LMNTD1: variants seen among roughly 807,000 people sequenced by gnomAD.
LMNTD1 encodes lamin tail domain-containing protein 1.
In LMNTD1, 35 loss-of-function variants were observed where a neutral mutation model predicts 50.9. That is an observed-to-expected ratio of 0.69 (90% CI 0.53 to 0.91). LMNTD1 has a LOEUF of 0.91. Ranked by LOEUF, LMNTD1 falls within the 40% of genes least tolerant of loss-of-function variation. The pLI is 0.00. For missense variants in LMNTD1, 470 were observed against 475.5 expected (o/e 0.99, Z 0.11); for synonymous variants, 153 against 161.9 (o/e 0.94, Z 0.42).
At chr12:25,611,171 C>G (rs862495) in intron 1 of LMNTD1, among the ~76,000 whole-genome samples, 139,276 of 152,246 alleles carry the variant, frequency 0.91, 64,950 homozygotes, top group East Asian at 1. Flanking sequence ...CAAAGCTATG[C>G]CATTTGGTGA....
chr12:25,555,613 T>G (rs764884576), upstream of LMNTD1, among the ~76,000 whole-genome samples: 1 of 152,202 alleles, frequency 6.6e-6, no homozygotes, highest in Non-Finnish European at 1.5e-5. Context: ...AAAGGGTTCT[T>G]ATCTTTTAGT....
chr12:25,507,187 A>G (rs1371876349), intron 8 of LMNTD1, among the ~76,000 whole-genome samples: 1 of 152,112 alleles, frequency 6.6e-6, no homozygotes, highest in African/African-American at 2.4e-5. Flanking sequence ...CATTATATCT[A>G]TATATGCCTA....
intron 2 of LMNTD1, 86 bp downstream of exon 2, chr12:25,552,785 T>C: frequency 1.2e-6 from 1 of 800,016 alleles, no homozygotes; most frequent in African/African-American, 1.7e-5. Flanking sequence ...CATAAGAGTA[T>C]TGAAACAAAA....
chr12:25,548,965 G>C (rs1943592884), intron 3 of LMNTD1, among the ~76,000 whole-genome samples: 2 of 151,878 alleles, frequency 1.3e-5, no homozygotes, highest in South Asian at 4.2e-4. Flanking sequence ...AATCCTTCTG[G>C]TATTTAATCC....
At chr12:25,624,390 C>A (rs11048130) in intron 1 of LMNTD1, among the ~76,000 whole-genome samples, 3,029 of 152,208 alleles carry the variant, frequency 0.02, 35 homozygotes, top group Non-Finnish European at 0.029. Flanking sequence ...GGAAAAGGTA[C>A]CCATTCCATA....
chr12:25,571,789 T>C (rs7968771), intron 1 of LMNTD1, among the ~76,000 whole-genome samples: 97,692 of 152,102 alleles, frequency 0.64, 35,686 homozygotes, highest in Non-Finnish European at 0.83. Context: ...CGTGCCTCAG[T>C]TTCTCAAGTA....
chr12:25,497,236 G>A (rs143857940), intron 9 of LMNTD1, among the ~76,000 whole-genome samples: 1 of 152,168 alleles, frequency 6.6e-6, no homozygotes, highest in African/African-American at 2.4e-5. Context: ...AACTGAGGTG[G>A]AGCCTTGGGT....
chr12:25,611,079 T>C (rs942672781), intron 1 of LMNTD1, among the ~76,000 whole-genome samples: 3 of 152,120 alleles, frequency 2.0e-5, no homozygotes, highest in Non-Finnish European at 4.4e-5. Flanking sequence ...AGAGAACCAG[T>C]ATAAAGCAGG....
At chr12:25,558,704 G>T (rs530342989) in intron 1 of LMNTD1, among the ~76,000 whole-genome samples, 95 of 152,292 alleles carry the variant, frequency 6.2e-4, no homozygotes, top group African/African-American at 1.9e-3. Flanking sequence ...AGGGCAAAGG[G>T]TTGTCTCACA....
intron 4 of LMNTD1, among the ~76,000 whole-genome samples, chr12:25,541,498 T>C (rs1440201432): frequency 9.2e-6 from 1 of 108,626 alleles, no homozygotes; most frequent in African/African-American, 3.2e-5. Context: ...TAAATGGTTC[T>C]GGGAAAACTG....
chr12:25,554,720 T>C (rs1943961596), upstream of LMNTD1, among the ~76,000 whole-genome samples: 1 of 152,184 alleles, frequency 6.6e-6, no homozygotes. Flanking sequence ...GTAAATAGTG[T>C]TCCCACATGA....
intron 9 of LMNTD1, among the ~76,000 whole-genome samples, chr12:25,489,594 C>T (rs1014470205): frequency 6.0e-5 from 9 of 150,656 alleles, no homozygotes; most frequent in Admixed American, 2.0e-4. Flanking sequence ...TCTTCTGCGT[C>T]GCTCACGCTG....
chr12:25,594,751 A>G (rs180895623), intron 1 of LMNTD1, among the ~76,000 whole-genome samples: 6 of 152,050 alleles, frequency 3.9e-5, no homozygotes, highest in African/African-American at 1.4e-4. Flanking sequence ...TTTGAATGTA[A>G]ATGGCCTAAA....
At chr12:25,574,868 T>C (rs142615371) in intron 1 of LMNTD1, among the ~76,000 whole-genome samples, 1 of 152,202 alleles carries the variant, frequency 6.6e-6, no homozygotes, top group South Asian at 2.1e-4. Context: ...GTACAATCTC[T>C]ACTCACAAAT....
At chr12:25,545,093 A>G (rs1158759886) in intron 4 of LMNTD1, among the ~76,000 whole-genome samples, 2 of 151,482 alleles carry the variant, frequency 1.3e-5, no homozygotes, top group African/African-American at 4.8e-5. Flanking sequence ...CTTTTTGAAC[A>G]TTAGTGTTTT....
intron 8 of LMNTD1, among the ~76,000 whole-genome samples, chr12:25,517,826 G>A (rs1366595325): frequency 2.0e-5 from 3 of 151,550 alleles, no homozygotes; most frequent in African/African-American, 7.3e-5. Context: ...CTTCTAAAAG[G>A]TACTGTTTTG....
At chr12:25,510,417 G>C (rs1010905327) in intron 8 of LMNTD1, among the ~76,000 whole-genome samples, 1 of 151,844 alleles carries the variant, frequency 6.6e-6, no homozygotes, top group Non-Finnish European at 1.5e-5. Flanking sequence ...CATAGATGTG[G>C]TTTCCTTTGT....
intron 1 of LMNTD1, among the ~76,000 whole-genome samples, chr12:25,609,029 A>G (rs1946184094): frequency 6.6e-6 from 1 of 151,796 alleles, no homozygotes; most frequent in Non-Finnish European, 1.5e-5. Context: ...TCTTTTTAGT[A>G]TTTTTTCTCT....
chr12:25,566,968 T>A (rs1365486403), intron 1 of LMNTD1, among the ~76,000 whole-genome samples: 1 of 152,190 alleles, frequency 6.6e-6, no homozygotes, highest in Non-Finnish European at 1.5e-5. Flanking sequence ...ATTGGGAGAA[T>A]GCTAAGGATA....
Sources: gnomAD v4.1 joint callset for allele counts (sites outside exome capture counted in the v4.1 genomes callset) on GRCh38, gnomAD v4.1.1 for gene constraint, MANE v1.5 for transcripts, NCBI Gene and HGNC (gene_info 2026-07-23, HGNC 2026-07-21) for gene names.